Variants in RPS6KC1 observed in about 807,000 individuals in gnomAD.
RPS6KC1 encodes inactive ribosomal protein S6 kinase delta-1.
A neutral mutation model predicts 103.8 loss-of-function variants in RPS6KC1; 54 were observed. The observed-to-expected ratio is 0.52, with a 90% CI of 0.42 to 0.65. The LOEUF (loss-of-function observed/expected upper bound fraction) is 0.65, where lower values mean the gene tolerates loss of function less well. RPS6KC1 is among the 30% of genes least tolerant of loss of function. The pLI is 0.00. For missense variants in RPS6KC1, 1,151 were observed against 1,253.8 expected (o/e 0.92, Z 1.24); for synonymous variants, 439 against 438.7 (o/e 1.00, Z -0.01).
chr1:213,560,410 T>C, the RPS6KC1 span, among the ~76,000 whole-genome samples: 2 of 152,132 alleles, frequency 1.3e-5, no homozygotes, highest in Admixed American at 1.3e-4. Flanking sequence ...TTCTTTGACA[T>C]GGAGGGGACC....
the RPS6KC1 span, among the ~76,000 whole-genome samples, chr1:213,627,595 C>T: frequency 6.6e-6 from 1 of 152,070 alleles, no homozygotes; most frequent in African/African-American, 2.4e-5. Context: ...GTGATATGTC[C>T]CATCAATACC....
the RPS6KC1 span, among the ~76,000 whole-genome samples, chr1:213,674,501 T>C: frequency 6.6e-6 from 1 of 152,262 alleles, no homozygotes; most frequent in African/African-American, 2.4e-5. Context: ...TAGTATTCCA[T>C]TGTGTATATA....
At chr1:213,840,519 T>C in the RPS6KC1 span, 3 of 152,322 alleles carry the variant, frequency 2.0e-5, no homozygotes, top group African/African-American at 7.2e-5. Context: ...TAAACTATAA[T>C]TGGGCATAAA....
chr1:213,721,132 A>G, the RPS6KC1 span, among the ~76,000 whole-genome samples: 6 of 152,324 alleles, frequency 3.9e-5, no homozygotes, highest in Non-Finnish European at 8.8e-5. Context: ...CTGCTTTTCT[A>G]GACCTGTGCT....
chr1:213,324,901 G>A, the RPS6KC1 span, among the ~76,000 whole-genome samples: 1 of 151,878 alleles, frequency 6.6e-6, no homozygotes, highest in South Asian at 2.1e-4. Context: ...ATGGGGGGCA[G>A]ATATATGAGG....
At chr1:213,095,538 C>A (rs906757273) in intron 3 of RPS6KC1, among the ~76,000 whole-genome samples, 3 of 152,150 alleles carry the variant, frequency 2.0e-5, no homozygotes, top group African/African-American at 7.2e-5. Context: ...GGATTTAATT[C>A]CCTCCCCTCC....
At chr1:213,291,844 T>C in the RPS6KC1 span, among the ~76,000 whole-genome samples, 1 of 152,232 alleles carries the variant, frequency 6.6e-6, no homozygotes, top group Non-Finnish European at 1.5e-5. Context: ...TGACTGGTAA[T>C]GCCTAGGTTT....
At chr1:213,724,636 G>A in the RPS6KC1 span, among the ~76,000 whole-genome samples, 3 of 151,998 alleles carry the variant, frequency 2.0e-5, no homozygotes, top group African/African-American at 2.4e-5. Context: ...ATAGTGGCTC[G>A]TGCTTGTAAT....
chr1:213,061,474 A>C (rs559361430), intron 1 of RPS6KC1, among the ~76,000 whole-genome samples: 19 of 152,286 alleles, frequency 1.2e-4, no homozygotes, highest in South Asian at 1.2e-3. Flanking sequence ...TCTGCAGGGA[A>C]GAGCGGGAGA....
the RPS6KC1 span, among the ~76,000 whole-genome samples, chr1:213,397,087 C>G: frequency 1.1e-4 from 16 of 152,138 alleles, no homozygotes; most frequent in Admixed American, 1.0e-3. Flanking sequence ...ACTAAAAGTG[C>G]CCAACACATC....
the RPS6KC1 span, among the ~76,000 whole-genome samples, chr1:213,711,016 G>T: frequency 6.6e-6 from 1 of 152,170 alleles, no homozygotes; most frequent in Non-Finnish European, 1.5e-5. Flanking sequence ...TTCTCGAGGA[G>T]TATCTTTGTG....
chr1:213,402,428 G>C, the RPS6KC1 span, among the ~76,000 whole-genome samples: 1 of 152,092 alleles, frequency 6.6e-6, no homozygotes, highest in East Asian at 1.9e-4. Context: ...TTCCGCATTA[G>C]GCTTTGTCTA....
the RPS6KC1 span, among the ~76,000 whole-genome samples, chr1:213,584,350 G>A: frequency 6.6e-6 from 1 of 152,176 alleles, no homozygotes; most frequent in African/African-American, 2.4e-5. Flanking sequence ...GATGCTGGCA[G>A]TCCCTAGAAC....
the RPS6KC1 span, among the ~76,000 whole-genome samples, chr1:213,766,531 A>G: frequency 1.3e-5 from 2 of 152,232 alleles, no homozygotes; most frequent in Non-Finnish European, 2.9e-5. Flanking sequence ...ACCTTGTGAC[A>G]TAAGTTCCCA....
chr1:213,609,615 C>T, the RPS6KC1 span, among the ~76,000 whole-genome samples: 1 of 151,858 alleles, frequency 6.6e-6, no homozygotes, highest in Non-Finnish European at 1.5e-5. Flanking sequence ...GTGCTGGGGG[C>T]TAGAGTGTGC....
the RPS6KC1 span, among the ~76,000 whole-genome samples, chr1:213,476,747 C>G: frequency 6.6e-6 from 1 of 152,130 alleles, no homozygotes; most frequent in Admixed American, 6.5e-5. Context: ...CCTTTTCTCT[C>G]TTCTGACTGT....
the RPS6KC1 span, among the ~76,000 whole-genome samples, chr1:213,312,292 T>C: frequency 2.9e-3 from 449 of 152,240 alleles, 2 homozygotes; most frequent in African/African-American, 0.011. Context: ...AGTAGCTCTC[T>C]TCTCAGGGGC....
At chr1:213,798,705 G>T in the RPS6KC1 span, among the ~76,000 whole-genome samples, 1 of 152,136 alleles carries the variant, frequency 6.6e-6, no homozygotes. Context: ...ATCCTATACA[G>T]GTTCATTTGA....
the RPS6KC1 span, among the ~76,000 whole-genome samples, chr1:213,580,079 G>A: frequency 2.0e-5 from 3 of 151,974 alleles, no homozygotes; most frequent in Admixed American, 6.5e-5. Flanking sequence ...CATGGGTAGC[G>A]ATTCCTCTGA....
Sources: gnomAD v4.1 joint callset for allele counts (sites outside exome capture counted in the v4.1 genomes callset) on GRCh38, gnomAD v4.1.1 for gene constraint, MANE v1.5 for transcripts, NCBI Gene and HGNC (gene_info 2026-07-23, HGNC 2026-07-21) for gene names.